CPNE2: variants seen among roughly 807,000 people sequenced by gnomAD.
CPNE2 encodes copine 2.
CPNE2 carries 42 observed loss-of-function variants against 69.7 expected under a neutral mutation model. The ratio of observed to expected loss-of-function variants is 0.60; its 90% CI spans 0.47 to 0.78. The LOEUF is 0.78. CPNE2 is among the 30% of genes least tolerant of loss of function. The pLI is 0.00. For synonymous variants in CPNE2, 294 were observed against 289.8 expected, an observed-to-expected ratio of 1.01 and a Z score of -0.15; for missense variants, 587 against 732.0, an observed-to-expected ratio of 0.80 and a Z score of 2.29.
chr16:57,137,283 G>A lies in CPNE2; in HGVS notation c.1302+1G>A. ...GGCCACACAACAGCGGACGGCCACG[G>A]TGAGTAGGCAGCTGCAAGCCAGTCA... On this transcript the variant is annotated splice_donor_variant, in intron 14 of 15. Transcript: ENST00000290776. LOFTEE classifies it high-confidence loss of function. 6.2e-7 allele frequency: 1 copy of A among 1,613,952 alleles called. No homozygotes were observed. The highest frequency in any genetic ancestry group is 8.5e-7 in the Non-Finnish European group (1 of 1,179,966).
rs2069843482 is a variant in CPNE2, at chr16:57,132,269, G to A, written c.1117-2506G>A. 2.6e-5 allele frequency among the ~76,000 whole-genome samples: 4 copies of A among 152,202 alleles called. No individual in the cohort carries two copies. In the South Asian group the frequency reaches 8.3e-4, roughly 31 times the overall value. ...CCCCAGAGAGTGGCTGAGGGTCTCAGGACGCGTTTCCCTTTGGAGATGGCA... is the reference window on the plus strand; with the variant it reads ...CCCCAGAGAGTGGCTGAGGGTCTCAAGACGCGTTTCCCTTTGGAGATGGCA... On this transcript the variant is annotated intron_variant, in intron 12 of 15. Coordinates refer to ENST00000290776, the MANE Select transcript of CPNE2 (RefSeq NM_152727.6).
intron 13 of CPNE2, among the ~76,000 whole-genome samples, chr16:57,136,305 C>T (rs2069880413): frequency 6.6e-6 from 1 of 152,232 alleles, no homozygotes; most frequent in Non-Finnish European, 1.5e-5. Flanking sequence ...CCTGGCCAGG[C>T]CTTCTGGGCA....
chr16:57,146,463 C>A lies in CPNE2; in HGVS notation c.1539+142C>A, dbSNP rs1031879211. ...TGACTATGCTCTTCTGAGGGCCTGC[C>A]ATGTGCCAGGCGCCGTGCCAGGCCT... On this transcript the variant is annotated intron_variant, in intron 15 of 15. Coordinates refer to ENST00000290776, the MANE Select transcript of CPNE2 (RefSeq NM_152727.6). This position sits in a 1 kb window ranked among gnomAD's most constrained non-coding sequence, Gnocchi z 4.4. 1 of 764,394 alleles carries A rather than the reference C, an allele frequency of 1.3e-6. No homozygotes were observed. Among genetic ancestry groups the A allele is most frequent in the Non-Finnish European group, 2.1e-6 (1 of 482,390 alleles). The allele number at this position is 764,394 out of a possible 1,614,324, so 47.4% of individuals were successfully genotyped here. A position where few individuals can be genotyped will look rare whatever the true frequency, so the allele number is the denominator to read the frequency against.
chr16:57,142,363 G>A (rs2069928287), intron 14 of CPNE2: 2 of 152,430 alleles, frequency 1.3e-5, no homozygotes, highest in African/African-American at 4.8e-5. Context: ...TGTGTGCGTG[G>A]AGTGTCTCAG....
At chr16:57,133,479 T>C (rs2069853223) in intron 12 of CPNE2, among the ~76,000 whole-genome samples, 2 of 152,164 alleles carry the variant, frequency 1.3e-5, no homozygotes, top group Admixed American at 1.3e-4. Context: ...TGTGTGGCTC[T>C]GGTGCCTGGC....
At chr16:57,138,027 G>A (rs1193903742) in intron 14 of CPNE2, among the ~76,000 whole-genome samples, 1 of 152,142 alleles carries the variant, frequency 6.6e-6, no homozygotes, top group Non-Finnish European at 1.5e-5. Flanking sequence ...TGACCTTGGG[G>A]ACCTGACTGA....
At chr16:57,101,151 A>G (rs1351494478) in intron 1 of CPNE2, among the ~76,000 whole-genome samples, 9 of 151,824 alleles carry the variant, frequency 5.9e-5, no homozygotes, top group Non-Finnish European at 8.8e-5. Context: ...CAGCATAGAA[A>G]CCCTGCCTGG....
In CPNE2 at chr16:57,121,708, G is replaced by C. The variant is rs1567669315; in HGVS notation, c.815G>C (p.Arg272Thr). The C allele has an allele frequency of 1.2e-6, 2 of 1,614,168 alleles. No homozygotes were observed. Among genetic ancestry groups the C allele is most frequent in the South Asian group, 1.1e-5 (1 of 91,082 alleles). Residue 272 changes from arginine (R) to threonine (T), a missense_variant, in exon 9 of 16, where the codon AGG becomes ACG. Coordinates refer to ENST00000290776, the MANE Select transcript of CPNE2 (RefSeq NM_152727.6). ...GAGTGCATCAACCCCAAGAAGCAGA[G>C]GAAGAAGAAGAACTATAAAAACTCG... Reference protein sequence around the residue: ...EFECINPKKQRKKKNYKNSGI... With the variant: ...EFECINPKKQTKKKNYKNSGI...
Position 57,115,530 on chromosome 16 carries a change from G to T in CPNE2, c.415G>T (p.Ala139Ser). 1 of 1,612,104 alleles carries T rather than the reference G, an allele frequency of 6.2e-7. No homozygotes were observed. The highest frequency in any genetic ancestry group is 2.2e-5 in the East Asian group (1 of 44,634). ...RPLLLLNDKP[A>S]GKGLITIAAQ... ...TCTGCTGCTGCTGAATGACAAGCCT[G>T]CGGGGAAGGGCTTGATTACGGTACC... Residue 139 changes from alanine (A) to serine (S), a missense_variant, in exon 4 of 16, where the codon GCG becomes TCG. Physicochemically the swap from Ala to Ser is moderately conservative, Grantham distance 99 (BLOSUM62 1). Transcript: ENST00000290776.
chr16:57,131,151 G>A (rs2145270653), intron 12 of CPNE2, among the ~76,000 whole-genome samples: 1 of 152,348 alleles, frequency 6.6e-6, no homozygotes, highest in African/African-American at 2.4e-5. Context: ...TGGGCAGTTG[G>A]ACTCTAAAGT....
At chr16:57,120,452 A>G (rs1452261818) in intron 7 of CPNE2, among the ~76,000 whole-genome samples, 1 of 151,628 alleles carries the variant, frequency 6.6e-6, no homozygotes, top group African/African-American at 2.4e-5. Context: ...AAAAAAAAAA[A>G]AATTATAAAA....
chr16:57,147,676 C>CA lies in CPNE2; in HGVS notation c.*19dup. 1 of 1,555,920 alleles carries CA rather than the reference C, an allele frequency of 6.4e-7. No individual in the cohort carries two copies. Among genetic ancestry groups the CA allele is most frequent in the South Asian group, 1.2e-5 (1 of 86,032 alleles). The stretch of plus-strand genomic sequence containing the variant: ...CCGCCTGAGCTCCAGTGCCCAGCAG[C>CA]AGCATGTCAGCTGAGCCTCCTGCCC... On this transcript the variant is annotated 3_prime_UTR_variant, in exon 16 of 16. Transcript: ENST00000290776.
chr16:57,110,528 T>G, intron 1 of CPNE2, 180 bp from the exon 2 acceptor site: 1 of 389,230 alleles, frequency 2.6e-6, no homozygotes. Context: ...GACTCCCTTT[T>G]CATGCATTTC....
rs2069552924 is a variant in CPNE2, at chr16:57,092,893, TC to T, written c.-36+105del. ...GCTGCGGGTCCGAAGGAACCCGGGT[TC>T]CGCCTCGGGGGGCTGCGGCGCTCTA... On this transcript the variant is annotated intron_variant, in intron 1 of 15. Coordinates refer to ENST00000290776, the MANE Select transcript of CPNE2 (RefSeq NM_152727.6). The surrounding 1 kb of genome is among the most constrained non-coding windows in gnomAD (Gnocchi z 5.3). 1 of 151,702 alleles carries T rather than the reference TC, an allele frequency of 6.6e-6. No individual in the cohort carries two copies. The highest frequency in any genetic ancestry group is 2.4e-5 in the African/African-American group (1 of 41,304). The allele number at this position is 151,702 out of a possible 1,614,324, so 9.4% of individuals were successfully genotyped here.
At chr16:57,139,376 T>G (rs1173476428) in intron 14 of CPNE2, among the ~76,000 whole-genome samples, 1 of 152,202 alleles carries the variant, frequency 6.6e-6, no homozygotes, top group Admixed American at 6.5e-5. Context: ...ATCTTAGGTT[T>G]CACAGTAGTG....
intron 11 of CPNE2, 54 bp downstream of exon 11, chr16:57,126,047 A>G: frequency 6.2e-7 from 1 of 1,604,490 alleles, no homozygotes; most frequent in South Asian, 1.1e-5. Context: ...CAACCTGGGA[A>G]GCTCAGTGTA....
At chr16:57,135,863 G>C (rs2069875654) in intron 13 of CPNE2, among the ~76,000 whole-genome samples, 1 of 95,656 alleles carries the variant, frequency 1.0e-5, no homozygotes, top group East Asian at 3.3e-4. Context: ...AACAGAGTGA[G>C]ACTCTGTCTC....
Position 57,123,455 on chromosome 16 carries a change from C to T in CPNE2, c.909C>T (p.Gly303=), listed in dbSNP as rs1341878274. The part of the protein sequence containing the change: ...DYSFLDYILG[G]CQLMFTVGID... ...CCTTCCTTGACTACATCCTGGGAGG[C>T]TGCCAGCTCATGTTCACCGTAAGGC... The change falls in exon 10 of 16, where the codon GGC becomes GGT. Residue 303 remains glycine, a synonymous_variant. Coordinates refer to ENST00000290776, the MANE Select transcript of CPNE2 (RefSeq NM_152727.6). 1.2e-6 allele frequency: 2 copies of T among 1,613,348 alleles called. No homozygotes were observed. The highest frequency in any genetic ancestry group is 1.7e-6 in the Non-Finnish European group (2 of 1,180,024).
chr16:57,137,574 T>C (rs1017096245), intron 14 of CPNE2, among the ~76,000 whole-genome samples: 1 of 152,160 alleles, frequency 6.6e-6, no homozygotes, highest in Non-Finnish European at 1.5e-5. Context: ...AGTAACAAGA[T>C]GGAAAACTGG....
Sources: gnomAD v4.1 joint callset for allele counts (sites outside exome capture counted in the v4.1 genomes callset) on GRCh38, gnomAD v4.1.1 for gene constraint, Gnocchi (gnomAD v3.1) non-coding constraint, MANE v1.5 for transcripts, NCBI Gene and HGNC (gene_info 2026-07-23, HGNC 2026-07-21) for gene names.